The following BCAS3 variants were observed in gnomAD, a reference collection of about 807,000 sequenced individuals.
BCAS3 encodes BCAS3 microtubule associated cell migration factor.
Under a neutral mutation model 116.1 loss-of-function variants are expected in BCAS3, and 53 were observed. The ratio of observed to expected loss-of-function variants is 0.46; its 90% CI spans 0.37 to 0.57. The LOEUF is 0.57. Ranked by LOEUF, BCAS3 falls within the 20% of genes least tolerant of loss-of-function variation. BCAS3 has a pLI of 0.00. For synonymous variants in BCAS3, 391 were observed against 408.2 expected, an observed-to-expected ratio of 0.96 and a Z score of 0.51; for missense variants, 917 against 1,165.4, an observed-to-expected ratio of 0.79 and a Z score of 3.10.
intron 5 of BCAS3, among the ~76,000 whole-genome samples, chr17:60,740,587 G>A (rs2041452487): frequency 6.6e-6 from 1 of 151,994 alleles, no homozygotes; most frequent in Non-Finnish European, 1.5e-5. Flanking sequence ...GTTAGTAATT[G>A]AGTGGCGGTG....
chr17:60,802,819 G>A (rs540254972), intron 6 of BCAS3, among the ~76,000 whole-genome samples: 9 of 152,062 alleles, frequency 5.9e-5, no homozygotes, highest in Non-Finnish European at 1.2e-4. Context: ...AGTAGAGATG[G>A]GGTTTCACCA....
At position 61,026,752 on chromosome 17, in the gene BCAS3, A is replaced by C; in HGVS notation, c.1638-7914A>C. The stretch of plus-strand genomic sequence containing the variant: ...TACAGCAGAATTGTAAATGATTACT[A>C]ATTTTTTAGTTATTTTTATCCATAC... On this transcript the variant is annotated intron_variant, in intron 16 of 23. Coordinates refer to ENST00000407086, the MANE Select transcript of BCAS3 (RefSeq NM_017679.5). This position sits in a 1 kb window ranked among gnomAD's most constrained non-coding sequence, Gnocchi z 5.0. 1 of 977,678 alleles carries C rather than the reference A, an allele frequency of 1.0e-6. No individual in the cohort carries two copies. The highest frequency in any genetic ancestry group is 2.6e-5 in the East Asian group (1 of 38,230). 60.6% of individuals were successfully genotyped at this position (977,678 alleles called of 1,614,324 possible). A position where few individuals can be genotyped will look rare whatever the true frequency, so the allele number is the denominator to read the frequency against.
In BCAS3 at chr17:61,349,607, A is replaced by G. The variant is rs189386904; in HGVS notation, c.2426-18720A>G. Among the ~76,000 whole-genome samples, 17 of 152,342 alleles carry G rather than the reference A, an allele frequency of 1.1e-4. No homozygotes were observed. The highest frequency in any genetic ancestry group is 4.1e-4 in the African/African-American group (17 of 41,568). ...TTTGTGGAATAATGGACCTGACTGT[A>G]ATCCAACATGTTTTTTAAAGCTAGC... On this transcript the variant is annotated intron_variant, in intron 22 of 23. Transcript: ENST00000407086. This position sits in a 1 kb window ranked among gnomAD's most constrained non-coding sequence, Gnocchi z 4.7.
chr17:60,844,558 GTTTT>G (rs2052320226), intron 7 of BCAS3, among the ~76,000 whole-genome samples: 1 of 152,144 alleles, frequency 6.6e-6, no homozygotes, highest in Admixed American at 6.5e-5. Flanking sequence ...TAGAAGTAGA[GTTTT>G]TCACTTCATG....
chr17:60,998,213 C>T lies in BCAS3; in HGVS notation c.1486+7978C>T, dbSNP rs187271151. On this transcript the variant is annotated intron_variant, in intron 15 of 23. Coordinates refer to ENST00000407086, the MANE Select transcript of BCAS3 (RefSeq NM_017679.5). Reference sequence around the variant, plus strand: ...TATGGCTGCATAGTATTCCGTCGTACATATGTAGCACATTTAAACAATCTA... The same window carrying T: ...TATGGCTGCATAGTATTCCGTCGTATATATGTAGCACATTTAAACAATCTA... Among the ~76,000 whole-genome samples the T allele has an allele frequency of 1.9e-3, 283 of 152,266 alleles. 1 individual carries two copies. Among genetic ancestry groups the T allele is most frequent in the African/African-American group, 6.5e-3 (270 of 41,550 alleles).
intron 14 of BCAS3, among the ~76,000 whole-genome samples, chr17:60,974,996 TTTG>T: frequency 3.4e-5 from 5 of 147,814 alleles, no homozygotes; most frequent in African/African-American, 1.3e-4. Flanking sequence ...TTTTTGCTTT[TTTG>T]TTTTTTTTTT....
At chr17:61,108,901 T>C (rs1014437844) in intron 22 of BCAS3, among the ~76,000 whole-genome samples, 15 of 152,142 alleles carry the variant, frequency 9.9e-5, no homozygotes, top group African/African-American at 3.1e-4. Flanking sequence ...AGAATAATAC[T>C]CTCCAGCTGG....
chr17:60,969,723 A>G (rs1235127235), intron 14 of BCAS3, among the ~76,000 whole-genome samples: 1 of 152,236 alleles, frequency 6.6e-6, no homozygotes, highest in East Asian at 1.9e-4. Flanking sequence ...AAACCATGTC[A>G]AAGGACATCA....
chr17:60,784,342 G>A (rs987065803), intron 6 of BCAS3, among the ~76,000 whole-genome samples: 26 of 127,882 alleles, frequency 2.0e-4, no homozygotes, highest in African/African-American at 6.5e-4. Context: ...TCACTCTGTC[G>A]CCCAGGAGGG....
At position 61,366,574 on chromosome 17, in the gene BCAS3, A is replaced by G. The variant is rs558284805; in HGVS notation, c.2426-1753A>G. Among the ~76,000 whole-genome samples, 2 of 152,294 alleles carry G rather than the reference A, an allele frequency of 1.3e-5. No homozygotes were observed. The highest frequency in any genetic ancestry group is 4.1e-4 in the South Asian group (2 of 4,830). ...GCACAGTTCAGGCCTTGGGAGAATT[A>G]TCTGACACCCAGCCGTGCACCCCCA... On this transcript the variant is annotated intron_variant, in intron 22 of 23. Transcript: ENST00000407086. The surrounding 1 kb of genome is among the most constrained non-coding windows in gnomAD (Gnocchi z 4.5).
chr17:61,157,920 A>G (rs1236126443), intron 22 of BCAS3, among the ~76,000 whole-genome samples: 1 of 151,952 alleles, frequency 6.6e-6, no homozygotes, highest in Non-Finnish European at 1.5e-5. Context: ...TTCTCTAACT[A>G]CCTTATTTCC....
intron 22 of BCAS3, among the ~76,000 whole-genome samples, chr17:61,129,501 C>G (rs535132432): frequency 1.3e-5 from 2 of 152,198 alleles, no homozygotes; most frequent in Non-Finnish European, 2.9e-5. Context: ...TGACAACTTG[C>G]TCTGGTTGCC....
chr17:60,835,146 T>C (rs892226536), intron 7 of BCAS3, among the ~76,000 whole-genome samples: 1 of 152,012 alleles, frequency 6.6e-6, no homozygotes, highest in African/African-American at 2.4e-5. Flanking sequence ...TAATGGACAT[T>C]AAATTCATAT....
At chr17:61,299,211 C>T (rs960094909) in intron 22 of BCAS3, among the ~76,000 whole-genome samples, 1 of 151,780 alleles carries the variant, frequency 6.6e-6, no homozygotes, top group Non-Finnish European at 1.5e-5. Flanking sequence ...TGGGAGGCTG[C>T]GGCAGGTGGA....
At chr17:60,752,432 T>G (rs1486453642) in intron 6 of BCAS3, among the ~76,000 whole-genome samples, 1 of 151,888 alleles carries the variant, frequency 6.6e-6, no homozygotes, top group Non-Finnish European at 1.5e-5. Context: ...ATTTTTTTTT[T>G]TCTTTTTTTG....
chr17:61,334,411 A>C (rs190082207), intron 22 of BCAS3, among the ~76,000 whole-genome samples: 96 of 152,304 alleles, frequency 6.3e-4, no homozygotes, highest in African/African-American at 2.2e-3. Context: ...TCACGCCTGT[A>C]ATCCCAGCAC....
In BCAS3 at chr17:61,219,995, C is replaced by T. The variant is rs372528348; in HGVS notation, c.2425+135431C>T. The stretch of plus-strand genomic sequence containing the variant: ...CTTTCAGAGGAAAATTCTGGTGTGC[C>T]GTTAAAACTAAAGTTTTCGGCCGGG... On this transcript the variant is annotated intron_variant, in intron 22 of 23. Transcript: ENST00000407086. The surrounding 1 kb of genome is among the most constrained non-coding windows in gnomAD (Gnocchi z 5.2). Among the ~76,000 whole-genome samples the T allele has an allele frequency of 6.6e-6, 1 of 152,046 alleles. No homozygotes were observed. Among genetic ancestry groups the T allele is most frequent in the Non-Finnish European group, 1.5e-5 (1 of 68,026 alleles).
chr17:61,005,178 T>C (rs1035461516), intron 15 of BCAS3, among the ~76,000 whole-genome samples: 7 of 152,104 alleles, frequency 4.6e-5, no homozygotes, highest in Non-Finnish European at 8.8e-5. Flanking sequence ...TAAAAGTAGG[T>C]TTTACGTACG....
At chr17:60,850,953 A>G (rs1156486839) in intron 7 of BCAS3, among the ~76,000 whole-genome samples, 1 of 152,244 alleles carries the variant, frequency 6.6e-6, no homozygotes, top group Admixed American at 6.5e-5. Context: ...ATATGTACTA[A>G]GTAATTCTAA....
Sources: allele counts gnomAD v4.1 joint callset (sites outside exome capture counted in the v4.1 genomes callset), GRCh38; gene constraint gnomAD v4.1.1; non-coding constraint Gnocchi (gnomAD v3.1); transcripts MANE v1.5; gene names NCBI Gene and HGNC (gene_info 2026-07-23, HGNC 2026-07-21).